GRM1: variants seen among roughly 807,000 people sequenced by gnomAD.
GRM1 encodes glutamate metabotropic receptor 1, also known as metabotropic glutamate receptor 1.
A neutral mutation model predicts 90.9 loss-of-function variants in GRM1; 33 were observed. The ratio of observed to expected loss-of-function variants is 0.36; its 90% confidence interval spans 0.28 to 0.49. GRM1 has a LOEUF of 0.49. Ranked by LOEUF, GRM1 falls within the 20% of genes least tolerant of loss-of-function variation. The pLI is 0.99. For synonymous variants in GRM1, 700 were observed against 613.2 expected (o/e 1.14, Z -2.09); for missense variants, 1,190 against 1,534.3 (o/e 0.78, Z 3.75).
chr6:146,099,241 G>A lies in GRM1; in HGVS notation c.701-60107G>A, dbSNP rs113308329. Among the ~76,000 whole-genome samples the A allele has an allele frequency of 9.9e-3, 1,514 of 152,212 alleles. 22 individuals carry two copies. Among genetic ancestry groups the A allele is most frequent in the African/African-American group, 0.035 (1,437 of 41,552 alleles). ...GTCTCTAGAAAAAATACAAAAATTAGCCAGGTGTGGTGGTGTGCACCTGTG... is the reference window on the plus strand; with the variant it reads ...GTCTCTAGAAAAAATACAAAAATTAACCAGGTGTGGTGGTGTGCACCTGTG... On this transcript the variant is annotated intron_variant, in intron 1 of 7. Transcript: ENST00000282753.
At position 146,327,986 on chromosome 6, in the gene GRM1, G is replaced by C. The variant is rs188717602; in HGVS notation, c.1186+23140G>C. 1.1e-4 allele frequency among the ~76,000 whole-genome samples: 17 copies of C among 152,106 alleles called. 1 individual carries two copies. Among genetic ancestry groups the C allele is most frequent in the Non-Finnish European group, 4.4e-5 (3 of 68,014 alleles). ...ATTTCCACAGGCAAGGATGTGAGGC[G>C]CCCCACAGATTGTAGGATAGCTGCC... On this transcript the variant is annotated intron_variant, in intron 3 of 7. Transcript: ENST00000282753.
chr6:146,321,094 C>T (rs1489432266), intron 3 of GRM1, among the ~76,000 whole-genome samples: 1 of 152,130 alleles, frequency 6.6e-6, no homozygotes, highest in African/African-American at 2.4e-5. Flanking sequence ...TTCTCACTTT[C>T]CCATGTGCAT....
At chr6:146,196,421 G>T (rs2114599970) in intron 2 of GRM1, among the ~76,000 whole-genome samples, 1 of 149,864 alleles carries the variant, frequency 6.7e-6, no homozygotes, top group African/African-American at 2.5e-5. Context: ...CCAAGTAGCT[G>T]GGACTACAGG....
At chr6:146,392,697 C>T (rs76847205) in intron 6 of GRM1, among the ~76,000 whole-genome samples, 4,332 of 152,174 alleles carry the variant, frequency 0.028, 185 homozygotes, top group African/African-American at 0.095. Flanking sequence ...CCCCACACTC[C>T]CTGACAGTCT....
intron 7 of GRM1, among the ~76,000 whole-genome samples, chr6:146,418,182 C>T (rs1161867309): frequency 6.6e-6 from 1 of 151,888 alleles, no homozygotes; most frequent in African/African-American, 2.4e-5. Context: ...GGCGTGTCTC[C>T]TTAGTAGCTG....
chr6:146,204,185 A>C (rs1779418605), intron 2 of GRM1, among the ~76,000 whole-genome samples: 1 of 152,110 alleles, frequency 6.6e-6, no homozygotes, highest in South Asian at 2.1e-4. Context: ...CAAGCCCTTT[A>C]TTTTTGGTCT....
At chr6:146,259,546 C>T (rs1166587969) in intron 2 of GRM1, among the ~76,000 whole-genome samples, 1 of 152,150 alleles carries the variant, frequency 6.6e-6, no homozygotes, top group African/African-American at 2.4e-5. Context: ...TTAGCAGAAT[C>T]ATGCAATAGT....
intron 2 of GRM1, among the ~76,000 whole-genome samples, chr6:146,272,325 A>G (rs1356768711): frequency 6.6e-6 from 1 of 152,206 alleles, no homozygotes; most frequent in Non-Finnish European, 1.5e-5. Context: ...TAGGTTTCAA[A>G]TCAGCAAACA....
intron 2 of GRM1, among the ~76,000 whole-genome samples, chr6:146,198,854 C>A (rs187962405): frequency 6.6e-6 from 1 of 152,306 alleles, no homozygotes; most frequent in African/African-American, 2.4e-5. Flanking sequence ...TAAGATGTTT[C>A]CAGATCTGAA....
chr6:146,181,816 G>C (rs907472890), intron 2 of GRM1, among the ~76,000 whole-genome samples: 5 of 152,214 alleles, frequency 3.3e-5, no homozygotes, highest in African/African-American at 1.2e-4. Flanking sequence ...TATGGGATCA[G>C]AATGATTAAC....
intron 2 of GRM1, among the ~76,000 whole-genome samples, chr6:146,275,950 T>C (rs1278199758): frequency 1.3e-5 from 2 of 152,160 alleles, no homozygotes; most frequent in Non-Finnish European, 2.9e-5. Flanking sequence ...TACATCTTTT[T>C]ATTTTCCAAT....
At chr6:146,289,152 C>T (rs1782884371) in intron 2 of GRM1, among the ~76,000 whole-genome samples, 1 of 152,030 alleles carries the variant, frequency 6.6e-6, no homozygotes, top group African/African-American at 2.4e-5. Flanking sequence ...TCAGGCAGGT[C>T]CTTCAGGAGT....
chr6:146,352,038 G>A (rs879826695), intron 3 of GRM1, among the ~76,000 whole-genome samples: 11 of 152,094 alleles, frequency 7.2e-5, no homozygotes, highest in African/African-American at 1.2e-4. Context: ...AACCATTATC[G>A]AATAGAGAGA....
chr6:146,104,529 A>C (rs574536768), intron 1 of GRM1, among the ~76,000 whole-genome samples: 1 of 152,314 alleles, frequency 6.6e-6, no homozygotes, highest in East Asian at 1.9e-4. Context: ...AAAGAAGACC[A>C]ATGTTTCATA....
intron 2 of GRM1, among the ~76,000 whole-genome samples, chr6:146,169,950 A>C (rs564994376): frequency 6.6e-6 from 1 of 152,036 alleles, no homozygotes; most frequent in Non-Finnish European, 1.5e-5. Context: ...ATGATATCTC[A>C]CGTGGTTTTG....
chr6:146,401,265 T>A lies in GRM1; in HGVS notation c.2660+1566T>A, dbSNP rs140145209. Among the ~76,000 whole-genome samples, 13 of 152,226 alleles carry A rather than the reference T, an allele frequency of 8.5e-5. No homozygotes were observed. In the East Asian group the frequency reaches 2.5e-3, roughly 29 times the overall value. On this transcript the variant is annotated intron_variant, in intron 7 of 7. Transcript: ENST00000282753. ...TAATGTACGCTTACTTCTTGGTATA[T>A]CAATTTTTAAGTTTGTTATAGGATG...
intron 7 of GRM1, among the ~76,000 whole-genome samples, chr6:146,426,009 A>G (rs1363575199): frequency 6.6e-6 from 1 of 152,200 alleles, no homozygotes; most frequent in African/African-American, 2.4e-5. Context: ...AGATTCTTCC[A>G]ATCTCAACAG....
At position 146,434,253 on chromosome 6, in the gene GRM1, C is replaced by G. The variant is rs1230062647; in HGVS notation, c.3042C>G (p.Pro1014=). 1 of 1,600,704 alleles carries G rather than the reference C, an allele frequency of 6.2e-7. No individual in the cohort carries two copies. The highest frequency in any genetic ancestry group is 1.3e-5 in the African/African-American group (1 of 74,696). The change falls in exon 8 of 8, where the codon CCC becomes CCG. Residue 1014 remains proline (P), a synonymous_variant. Coordinates refer to ENST00000282753, the MANE Select transcript of GRM1 (RefSeq NM_001278064.2). Reference sequence around the variant, plus strand: ...AACCAGCCCTCCCCAAGGGCTTGCCCCCTCCTCTCCAGCAGCAGCAGCAAC... The same window carrying G: ...AACCAGCCCTCCCCAAGGGCTTGCCGCCTCCTCTCCAGCAGCAGCAGCAAC... ...LAEPALPKGL[P]PPLQQQQQPP...
At chr6:146,265,257 T>C (rs1380920915) in intron 2 of GRM1, among the ~76,000 whole-genome samples, 1 of 152,212 alleles carries the variant, frequency 6.6e-6, no homozygotes, top group Non-Finnish European at 1.5e-5. Flanking sequence ...TATTGTGGTT[T>C]TAATTTGCAT....
Sources: allele counts gnomAD v4.1 joint callset (sites outside exome capture counted in the v4.1 genomes callset), GRCh38; gene constraint gnomAD v4.1.1; transcripts MANE v1.5; gene names NCBI Gene and HGNC (gene_info 2026-07-23, HGNC 2026-07-21).